Variants in GET1 observed in about 807,000 individuals in gnomAD.
GET1 encodes the protein congenital heart disease 5 protein.
A neutral mutation model predicts 22.6 loss-of-function variants in GET1; 20 were observed. The ratio of observed to expected loss-of-function variants is 0.89; its 90% confidence interval spans 0.62 to 1.29. GET1 has a LOEUF of 1.29. Ranked by LOEUF, GET1 falls within the 50% of genes most tolerant of loss-of-function variation. The pLI, the probability that GET1 is intolerant of heterozygous loss-of-function variation, is 0.00. For missense variants in GET1, 209 were observed against 219.9 expected (o/e 0.95, Z 0.31); for synonymous variants, 92 against 83.8 (o/e 1.10, Z -0.53).
downstream of GET1, chr21:39,410,721 G>C (rs1343426878): frequency 2.5e-6 from 1 of 408,006 alleles, no homozygotes; most frequent in East Asian, 7.0e-5. Flanking sequence ...TTGATTATCA[G>C]TGGTTAGACT....
chr21:39,391,326 C>T lies in GET1; in HGVS notation c.269-443C>T, dbSNP rs951067380. ...AGGGCAGCCCGTGTGCTGAGGGACCCCGGTCACAGTGTGTGCACAGTCAGA... is the reference window on the plus strand; with the variant it reads ...AGGGCAGCCCGTGTGCTGAGGGACCTCGGTCACAGTGTGTGCACAGTCAGA... On this transcript the variant is annotated intron_variant, in intron 2 of 4. Coordinates refer to ENST00000649170, the MANE Select transcript of GET1 (RefSeq NM_004627.6). 4 of 233,904 alleles carry T rather than the reference C, an allele frequency of 1.7e-5. No homozygotes were observed. In the Admixed American group the frequency reaches 2.1e-4, roughly 12 times the overall value. 14.5% of individuals were successfully genotyped at this position (233,904 alleles called of 1,614,324 possible).
chr21:39,382,302 T>C (rs1324969210), intron 1 of GET1, among the ~76,000 whole-genome samples: 3 of 151,366 alleles, frequency 2.0e-5, no homozygotes, highest in African/African-American at 4.9e-5. Context: ...TGATCTGTGC[T>C]CCTTGGCCTC....
At chr21:39,399,997 C>G (rs555180092), downstream of GET1, among the ~76,000 whole-genome samples, 9 of 151,444 alleles carry the variant, frequency 5.9e-5, no homozygotes, top group Admixed American at 1.3e-4. Context: ...GCTGGGATTA[C>G]AGGTGTGAGC....
intron 1 of GET1, among the ~76,000 whole-genome samples, chr21:39,420,064 T>G (rs2042027212): frequency 6.6e-6 from 1 of 152,146 alleles, no homozygotes; most frequent in South Asian, 2.1e-4. Context: ...TTACTTAACG[T>G]GATGAAATAG....
chr21:39,382,998 T>A (rs1187919819), intron 1 of GET1, among the ~76,000 whole-genome samples: 1 of 152,078 alleles, frequency 6.6e-6, no homozygotes, highest in Non-Finnish European at 1.5e-5. Flanking sequence ...TTGCCCAGGC[T>A]GGAGTGCAGT....
In GET1 at chr21:39,390,744, G is replaced by A. The variant is rs145445316; in HGVS notation, c.149G>A (p.Arg50Lys). 6.2e-7 allele frequency: 1 copy of A among 1,614,062 alleles called. No homozygotes were observed. The highest frequency in any genetic ancestry group is 1.3e-5 in the African/African-American group (1 of 74,922). ...GACGCGGAGCAGGAGTCACAGATGA[G>A]AGCGGAGATCCAGGACATGAAGCAG... ...QKDAEQESQM[R>K]AEIQDMKQEL... The change falls in exon 2 of 5, where the codon AGA becomes AAA. Residue 50 changes from arginine (R) to lysine (K), a missense_variant. Coordinates refer to ENST00000649170, the MANE Select transcript of GET1 (RefSeq NM_004627.6).
At chr21:39,391,468 G>A (rs1446294552) in intron 2 of GET1, 3 of 346,012 alleles carry the variant, frequency 8.7e-6, no homozygotes, top group Non-Finnish European at 1.6e-5. Flanking sequence ...GGAAAATTTA[G>A]TCCTGTTGGT....
intron 1 of GET1, among the ~76,000 whole-genome samples, chr21:39,416,963 C>T (rs536753279): frequency 4.6e-5 from 7 of 152,286 alleles, no homozygotes; most frequent in Non-Finnish European, 8.8e-5. Context: ...TTCTGCATCC[C>T]GCGGTTACAA....
intron 1 of GET1, among the ~76,000 whole-genome samples, chr21:39,388,810 G>A (rs954316259): frequency 6.6e-6 from 1 of 152,186 alleles, no homozygotes; most frequent in African/African-American, 2.4e-5. Context: ...TCCCGGTGCC[G>A]TGGCCGGGCC....
At chr21:39,395,453 C>T (rs1404421514) in intron 4 of GET1, among the ~76,000 whole-genome samples, 1 of 151,968 alleles carries the variant, frequency 6.6e-6, no homozygotes, top group Non-Finnish European at 1.5e-5. Flanking sequence ...CAACTTCCAC[C>T]TCCCAGGTTC....
At chr21:39,399,464 A>G (rs1009879427), downstream of GET1, among the ~76,000 whole-genome samples, 5 of 151,768 alleles carry the variant, frequency 3.3e-5, no homozygotes, top group Admixed American at 1.3e-4. Flanking sequence ...TTATTTTTTG[A>G]GATGGAGTTT....
At chr21:39,410,917 ACTT>A (rs768478209), downstream of GET1, 153 of 471,188 alleles carry the variant, frequency 3.2e-4, no homozygotes, top group Non-Finnish European at 5.2e-4. Flanking sequence ...ACATGTAGCT[ACTT>A]CTTCTAATAA....
At chr21:39,400,591 T>G (rs1017436881), downstream of GET1, among the ~76,000 whole-genome samples, 1 of 152,266 alleles carries the variant, frequency 6.6e-6, no homozygotes, top group South Asian at 2.1e-4. Context: ...TGCTCTCTTA[T>G]AAGGCCTGCG....
intron 1 of GET1, chr21:39,387,762 C>A: frequency 1.0e-6 from 1 of 985,578 alleles, no homozygotes; most frequent in Non-Finnish European, 1.2e-6. Flanking sequence ...AGAAACCACG[C>A]GCATGCGCAG....
intron 1 of GET1, chr21:39,387,833 T>G (rs1471686323): frequency 1.0e-6 from 1 of 985,016 alleles, no homozygotes; most frequent in South Asian, 4.7e-5. Context: ...TTGTCCCTAC[T>G]GTGCGGCAGG....
chr21:39,403,917 G>A (rs552791395), intron 4 of GET1, among the ~76,000 whole-genome samples: 6 of 151,234 alleles, frequency 4.0e-5, no homozygotes, highest in African/African-American at 1.5e-4. Context: ...CACTGCGCCC[G>A]GCTCTATTTT....
intron 1 of GET1, among the ~76,000 whole-genome samples, chr21:39,389,130 G>C (rs3787923): frequency 0.67 from 101,154 of 151,694 alleles, 34,016 homozygotes; most frequent in East Asian, 0.78. Context: ...GGTTATGAAA[G>C]TGGCTAATTT....
chr21:39,401,192 G>C (rs2147025891), downstream of GET1, among the ~76,000 whole-genome samples: 1 of 152,160 alleles, frequency 6.6e-6, no homozygotes, highest in African/African-American at 2.4e-5. Flanking sequence ...TGGGACAATA[G>C]GTGTGTACCA....
rs573004296 is a variant in GET1, at chr21:39,380,683, T to C, written c.102+197T>C. ...TACCCCAAAATCAGACTTTCTGGGT[T>C]CTAGGGGGTTGGGAGAAACACCGGG... On this transcript the variant is annotated intron_variant, in intron 1 of 4. Transcript: ENST00000649170. 3.6e-6 allele frequency: 5 copies of C among 1,397,156 alleles called. No homozygotes were observed. In the South Asian group the frequency reaches 7.9e-5, roughly 22 times the overall value. 86.5% of individuals were successfully genotyped at this position (1,397,156 alleles called of 1,614,324 possible). A position where few individuals can be genotyped will look rare whatever the true frequency, so the allele number is the denominator to read the frequency against.
Sources: gnomAD v4.1 joint callset for allele counts (sites outside exome capture counted in the v4.1 genomes callset) on GRCh38, gnomAD v4.1.1 for gene constraint, MANE v1.5 for transcripts, NCBI Gene and HGNC (gene_info 2026-07-23, HGNC 2026-07-21) for gene names.